The following PCDHGA1 variants were observed in gnomAD, a reference collection of about 807,000 sequenced individuals.
The protein encoded by PCDHGA1 is protocadherin gamma subfamily A, 1.
PCDHGA1 carries 32 observed loss-of-function variants against 58.0 expected under a neutral mutation model. The observed-to-expected ratio is 0.55, with a 90% CI of 0.42 to 0.74. The LOEUF (loss-of-function observed/expected upper bound fraction) is 0.74. Among genes scored for constraint, PCDHGA1 ranks in the 30% least tolerant of loss-of-function variants. The pLI is 0.00. For missense variants in PCDHGA1, 1,205 were observed against 1,182.3 expected (o/e 1.02, Z -0.28); for synonymous variants, 498 against 501.1 (o/e 0.99, Z 0.08).
At chr5:141,376,223 C>A in intron 1 of PCDHGA1, 3 of 1,614,202 alleles carry the variant, frequency 1.9e-6, no homozygotes, top group Non-Finnish European at 2.5e-6. Context: ...GCTGCTGGCG[C>A]TCAGACTGCA....
At chr5:141,419,781 G>A in intron 1 of PCDHGA1, 1 of 1,614,032 alleles carries the variant, frequency 6.2e-7, no homozygotes, top group Non-Finnish European at 8.5e-7. Flanking sequence ...GTCCGCCAGC[G>A]CCTGCTAGTC....
chr5:141,331,776 C>G lies in PCDHGA1; in HGVS notation c.1092C>G (p.Thr364=), dbSNP rs748353073. 10 of 1,614,058 alleles carry G rather than the reference C, an allele frequency of 6.2e-6. No individual in the cohort carries two copies. The East Asian group carries it at 1.8e-4, about 29-fold the overall frequency. The change falls in exon 1 of 4, where the codon ACC becomes ACG. Residue 364 remains threonine, a synonymous_variant. Coordinates refer to ENST00000517417, the MANE Select transcript of PCDHGA1 (RefSeq NM_018912.3). ...TAVPENFPPG[T]IIALISVHDQ... Reference sequence around the variant, plus strand: ...TTCCAGAAAACTTTCCTCCTGGGACCATAATTGCTCTTATCAGTGTGCATG... The same window carrying G: ...TTCCAGAAAACTTTCCTCCTGGGACGATAATTGCTCTTATCAGTGTGCATG...
intron 1 of PCDHGA1, chr5:141,400,713 T>C: frequency 1.5e-6 from 1 of 686,914 alleles, no homozygotes; most frequent in South Asian, 2.0e-5. Context: ...GAAGTAGCCT[T>C]ATAGATTTAC....
In PCDHGA1 at chr5:141,485,433, A is replaced by G. The variant is rs2099613324; in HGVS notation, c.2422-9374A>G. On this transcript the variant is annotated intron_variant, in intron 1 of 3. Transcript: ENST00000517417. The surrounding 1 kb of genome is among the most constrained non-coding windows in gnomAD (Gnocchi z 5.7). The stretch of plus-strand genomic sequence containing the variant: ...TTGGACAGCGGAGCCCTGCTCATCA[A>G]GAACCCAATCGACCGAGAGGCACTG... 6 of 1,614,208 alleles carry G rather than the reference A, an allele frequency of 3.7e-6. No homozygotes were observed. Among genetic ancestry groups the G allele is most frequent in the Non-Finnish European group, 5.1e-6 (6 of 1,180,030 alleles).
At chr5:141,370,145 T>C in intron 1 of PCDHGA1, 1 of 438,916 alleles carries the variant, frequency 2.3e-6, no homozygotes. Context: ...TTAGTCACCA[T>C]TACTGCAGTT....
chr5:141,415,823 G>T (rs529200891), intron 1 of PCDHGA1: 1 of 1,316,022 alleles, frequency 7.6e-7, no homozygotes, highest in East Asian at 2.8e-5. Context: ...ATATCATAAG[G>T]CTTTGTTATG....
At chr5:141,344,821 C>A in intron 1 of PCDHGA1, 1 of 1,613,918 alleles carries the variant, frequency 6.2e-7, no homozygotes, top group Non-Finnish European at 8.5e-7. Context: ...CGGCTGCTCA[C>A]GGTGAATGCC....
chr5:141,390,478 ATTTG>A (rs2092157792), intron 1 of PCDHGA1: 1 of 678,524 alleles, frequency 1.5e-6, no homozygotes, highest in Admixed American at 3.1e-5. Flanking sequence ...GTGGCCCAAC[ATTTG>A]TTTGTTTTTT....
intron 1 of PCDHGA1, chr5:141,366,222 C>A: frequency 3.7e-6 from 6 of 1,613,804 alleles, no homozygotes; most frequent in Non-Finnish European, 5.1e-6. Context: ...ACAGCGCGAG[C>A]CCTGCTGGAC....
rs145718404 is a variant in PCDHGA1 at position 141,404,928 on chromosome 5, C to T, written c.2421+71823C>T. On this transcript the variant is annotated intron_variant, in intron 1 of 3. Transcript: ENST00000517417. ...CAGCCCCCTCTCTCGGCCACTGTCA[C>T]GCTCACAGTAGCCATAGCTGACAGC... The T allele has an allele frequency of 1.6e-4, 263 of 1,613,866 alleles. 1 individual carries two copies. In the African/African-American group the frequency reaches 2.2e-3, roughly 13 times the overall value.
intron 1 of PCDHGA1, chr5:141,339,456 T>C: frequency 6.2e-7 from 1 of 1,614,246 alleles, no homozygotes; most frequent in Non-Finnish European, 8.5e-7. Flanking sequence ...GATGCAGACG[T>C]AGGTGAGAAC....
At chr5:141,480,652 A>C (rs1488188393) in intron 1 of PCDHGA1, among the ~76,000 whole-genome samples, 4 of 152,220 alleles carry the variant, frequency 2.6e-5, no homozygotes, top group Non-Finnish European at 5.9e-5. Context: ...TTGGTTGCAC[A>C]TTAAAATCAC....
At chr5:141,366,497 C>G in intron 1 of PCDHGA1, 1 of 1,614,254 alleles carries the variant, frequency 6.2e-7, no homozygotes, top group South Asian at 1.1e-5. Context: ...GCACAAGTCA[C>G]GCCTGCTTCA....
At chr5:141,361,405 G>A (rs1762001636) in intron 1 of PCDHGA1, 1 of 1,613,928 alleles carries the variant, frequency 6.2e-7, no homozygotes, top group African/African-American at 1.3e-5. Context: ...CACCATCACA[G>A]CCACCGACGG....
chr5:141,499,275 C>T (rs1259707742), intron 2 of PCDHGA1, among the ~76,000 whole-genome samples: 1 of 152,178 alleles, frequency 6.6e-6, no homozygotes, highest in African/African-American at 2.4e-5. Flanking sequence ...CTAGACTGTT[C>T]TCTGATGGCT....
rs536970079 is a variant in PCDHGA1 at position 141,405,367 on chromosome 5, T to C, written c.2421+72262T>C. The C allele has an allele frequency of 1.9e-5, 30 of 1,613,694 alleles. No homozygotes were observed. In the African/African-American group the frequency reaches 3.2e-4, roughly 17 times the overall value. The stretch of plus-strand genomic sequence containing the variant: ...CCAAGTTTCCTATAGAAGACACCCC[T>C]TTGGTTCCGGTGAGTTCATTTTTTT... On this transcript the variant is annotated intron_variant, in intron 1 of 3. Transcript: ENST00000517417.
At chr5:141,425,321 G>A (rs1020940689) in intron 1 of PCDHGA1, among the ~76,000 whole-genome samples, 2 of 152,182 alleles carry the variant, frequency 1.3e-5, no homozygotes, top group South Asian at 2.1e-4. Flanking sequence ...CAAGATCGTG[G>A]AGAACAAAAA....
In PCDHGA1 at chr5:141,485,624, C is replaced by T; in HGVS notation, c.2422-9183C>T. 1 of 1,611,640 alleles carries T rather than the reference C, an allele frequency of 6.2e-7. No homozygotes were observed. The highest frequency in any genetic ancestry group is 1.1e-5 in the South Asian group (1 of 90,868). The stretch of plus-strand genomic sequence containing the variant: ...TGGGGAGGCAGCTCCTCCAGGACAG[C>T]GTTTCCCGTTGGAAAAGGCTCAGGA... On this transcript the variant is annotated intron_variant, in intron 1 of 3. Transcript: ENST00000517417. This position sits in a 1 kb window ranked among gnomAD's most constrained non-coding sequence, Gnocchi z 5.7.
intron 1 of PCDHGA1, chr5:141,340,219 C>T: frequency 6.2e-7 from 1 of 1,614,152 alleles, no homozygotes; most frequent in Non-Finnish European, 8.5e-7. Context: ...AACAGTTTTC[C>T]TTTTACAACA....
Sources: allele counts gnomAD v4.1 joint callset (sites outside exome capture counted in the v4.1 genomes callset), GRCh38; gene constraint gnomAD v4.1.1; non-coding constraint Gnocchi (gnomAD v3.1); transcripts MANE v1.5; gene names NCBI Gene and HGNC (gene_info 2026-07-23, HGNC 2026-07-21).